Variants in CHD6 observed in about 807,000 individuals in gnomAD.
CHD6 encodes ATP-dependent chromatin remodeler CHD6.
CHD6 carries 50 observed loss-of-function variants against 276.9 expected under a neutral mutation model. That is an observed-to-expected ratio of 0.18 (90% CI 0.14 to 0.23). The LOEUF (loss-of-function observed/expected upper bound fraction) is 0.23. Ranked by LOEUF, CHD6 falls within the 10% of genes least tolerant of loss-of-function variation. The pLI is 1.00. For synonymous variants in CHD6, 1,173 were observed against 1,229.3 expected (o/e 0.95, Z 0.96); for missense variants, 2,564 against 3,365.8 (o/e 0.76, Z 5.89).
intron 20 of CHD6, among the ~76,000 whole-genome samples, chr20:41,453,905 G>A (rs144982363): frequency 7.0e-4 from 106 of 152,306 alleles, no homozygotes; most frequent in African/African-American, 2.4e-3. Flanking sequence ...CTAGCTACAA[G>A]CAGGGACTGT....
At chr20:41,566,255 T>C (rs545946462) in intron 1 of CHD6, among the ~76,000 whole-genome samples, 2 of 152,130 alleles carry the variant, frequency 1.3e-5, no homozygotes, top group South Asian at 2.1e-4. Context: ...GAAATCACTA[T>C]GCCATGTACT....
chr20:41,484,303 C>G (rs535181819), intron 15 of CHD6, 49 bp downstream of exon 15: 42 of 1,603,272 alleles, frequency 2.6e-5, no homozygotes, highest in Non-Finnish European at 3.2e-5. Context: ...ATTAGCTTCT[C>G]GCAGAGGTCA....
At chr20:41,559,347 T>A (rs1192591098) in intron 1 of CHD6, among the ~76,000 whole-genome samples, 2 of 152,092 alleles carry the variant, frequency 1.3e-5, no homozygotes, top group Non-Finnish European at 2.9e-5. Context: ...AAGAAACAGG[T>A]TTAACTCTAT....
intron 1 of CHD6, among the ~76,000 whole-genome samples, chr20:41,603,100 C>T (rs1054129559): frequency 2.0e-5 from 3 of 152,110 alleles, no homozygotes; most frequent in East Asian, 1.9e-4. Context: ...TGCCTGTAAA[C>T]CCAGCACTTT....
At chr20:41,412,329 G>T in intron 35 of CHD6, 66 bp from the exon 36 acceptor site, 3 of 1,561,906 alleles carry the variant, frequency 1.9e-6, no homozygotes, top group South Asian at 2.3e-5. Context: ...TGAGGCTGAT[G>T]CTTTTCAACT....
chr20:41,564,136 G>A, intron 1 of CHD6: 1 of 767,078 alleles, frequency 1.3e-6, no homozygotes, highest in South Asian at 1.4e-5. Context: ...CCAATCATAT[G>A]AGACTGACAC....
Position 41,493,930 on chromosome 20 carries a change from C to G in CHD6, c.1107G>C (p.Leu369Phe). ...KHIFTEPDED[L>F]FNPDYVEVDR... ...CAACTTCTACATAGTCTGGATTGAA[C>G]AAGTCTTCATCAGGCTAACACAAAC... is the stretch of plus-strand genomic sequence containing the variant. The change falls in exon 9 of 37, where the codon TTG becomes TTC. Residue 369 changes from leucine (L) to phenylalanine (F), a missense_variant. By Grantham distance (22) the Leu-to-Phe change is conservative (BLOSUM62 0). Coordinates refer to ENST00000373233, the MANE Select transcript of CHD6 (RefSeq NM_032221.5). The G allele has an allele frequency of 6.2e-7, 1 of 1,613,840 alleles. No individual in the cohort carries two copies. The highest frequency in any genetic ancestry group is 8.5e-7 in the Non-Finnish European group (1 of 1,179,838).
chr20:41,418,955 T>C lies in CHD6; in HGVS notation c.6127+1553A>G, dbSNP rs139359835. 3.8e-3 allele frequency among the ~76,000 whole-genome samples: 581 copies of C among 152,344 alleles called. 5 individuals are homozygous for C. The highest frequency in any genetic ancestry group is 0.014 in the African/African-American group (563 of 41,588). On this transcript the variant is annotated intron_variant, in intron 31 of 36. Transcript: ENST00000373233. ...GGAACATAATTTCTCCTCTAAACCA[T>C]ACTTATCTTTACCTTGTACTCACTT...
intron 1 of CHD6, among the ~76,000 whole-genome samples, chr20:41,567,971 T>C (rs1432023296): frequency 6.6e-6 from 1 of 152,002 alleles, no homozygotes; most frequent in Non-Finnish European, 1.5e-5. Flanking sequence ...ATACTCTACA[T>C]GGCTAAAAAT....
At chr20:41,463,245 GCTAA>G (rs764620777) in intron 17 of CHD6, among the ~76,000 whole-genome samples, 1 of 152,172 alleles carries the variant, frequency 6.6e-6, no homozygotes, top group East Asian at 1.9e-4. Flanking sequence ...ATAGTAGAAT[GCTAA>G]CTAACCAGTG....
At chr20:41,518,983 T>C (rs2145993521) in intron 3 of CHD6, among the ~76,000 whole-genome samples, 2 of 152,318 alleles carry the variant, frequency 1.3e-5, no homozygotes, top group Admixed American at 1.3e-4. Context: ...TTCCAGGTTC[T>C]TCAAAAATAA....
At chr20:41,561,817 G>A (rs1375773694) in intron 1 of CHD6, among the ~76,000 whole-genome samples, 5 of 152,214 alleles carry the variant, frequency 3.3e-5, no homozygotes, top group Non-Finnish European at 5.9e-5. Context: ...TGAAGAATCT[G>A]AACAATTCTG....
intron 26 of CHD6, among the ~76,000 whole-genome samples, chr20:41,439,091 C>T (rs1173427074): frequency 2.0e-5 from 3 of 152,268 alleles, no homozygotes; most frequent in African/African-American, 7.2e-5. Flanking sequence ...GGTGTGGTGG[C>T]TCACGCCTGT....
At chr20:41,579,416 C>T (rs1358247826) in intron 1 of CHD6, among the ~76,000 whole-genome samples, 52 of 123,878 alleles carry the variant, frequency 4.2e-4, no homozygotes, top group African/African-American at 1.7e-3. Context: ...CCTGCCTGGG[C>T]GACAGAGTGA....
chr20:41,530,825 G>C (rs928244818), intron 3 of CHD6, among the ~76,000 whole-genome samples: 1 of 152,172 alleles, frequency 6.6e-6, no homozygotes, highest in African/African-American at 2.4e-5. Context: ...GATCACTTCT[G>C]TCAGCCTCCT....
intron 1 of CHD6, among the ~76,000 whole-genome samples, chr20:41,601,304 T>C (rs2045770885): frequency 6.6e-6 from 1 of 152,194 alleles, no homozygotes; most frequent in Non-Finnish European, 1.5e-5. Context: ...AGCATGAAAA[T>C]GTCTGTTGAA....
intron 1 of CHD6, among the ~76,000 whole-genome samples, chr20:41,560,247 C>T (rs2045287643): frequency 6.6e-6 from 1 of 152,164 alleles, no homozygotes; most frequent in African/African-American, 2.4e-5. Context: ...AAACATATTC[C>T]TCATAACACA....
chr20:41,536,068 A>C (rs1351425931), intron 2 of CHD6, among the ~76,000 whole-genome samples: 1 of 152,190 alleles, frequency 6.6e-6, no homozygotes, highest in Non-Finnish European at 1.5e-5. Context: ...AATATAAGAC[A>C]AAAAAATTTC....
rs780821455 is a variant in CHD6 at position 41,425,005 on chromosome 20, ACT to A, written c.4346+171_4346+172del. On this transcript the variant is annotated intron_variant, in intron 29 of 36. Transcript: ENST00000373233. ...ACAGGGTGTTCCTAGACCTCATCAG[ACT>A]CCCATCACCATGATACCATCACAAC... Among the ~76,000 whole-genome samples, 7 of 152,190 alleles carry A rather than the reference ACT, an allele frequency of 4.6e-5. No individual in the cohort carries two copies. In the East Asian group the frequency reaches 1.4e-3, roughly 29 times the overall value.
Sources: gnomAD v4.1 joint callset for allele counts (sites outside exome capture counted in the v4.1 genomes callset) on GRCh38, gnomAD v4.1.1 for gene constraint, MANE v1.5 for transcripts, NCBI Gene and HGNC (gene_info 2026-07-23, HGNC 2026-07-21) for gene names.